Variants in ACSM3 observed in about 807,000 individuals in gnomAD.
ACSM3 encodes acyl-coenzyme A synthetase ACSM3, mitochondrial.
Under a neutral mutation model 74.1 loss-of-function variants are expected in ACSM3, and 61 were observed. That is an observed-to-expected ratio of 0.82 (90% CI 0.67 to 1.02). ACSM3 has a LOEUF of 1.02. Among genes scored for constraint, ACSM3 ranks in the 50% least tolerant of loss-of-function variants. The probability of loss-of-function intolerance (pLI) is 0.00; values close to 1 mark genes in which losing one functional copy is unlikely to be tolerated. For synonymous variants in ACSM3, 213 were observed against 241.5 expected, an observed-to-expected ratio of 0.88 and a Z score of 1.09; for missense variants, 660 against 697.0, an observed-to-expected ratio of 0.95 and a Z score of 0.60.
Position 20,741,922 on chromosome 16 carries a change from A to G in ACSM3, c.-189-7988A>G, listed in dbSNP as rs370547183. 5.9e-6 allele frequency: 9 copies of G among 1,533,852 alleles called. No individual in the cohort carries two copies. The African/African-American group carries it at 1.2e-4, about 21-fold the overall frequency. On this transcript the variant is annotated intron_variant, in intron 1 of 3. Coordinates refer to the ACSM3 transcript ENST00000561584. ...CTGCAATCGTGAAAGGGGTGGAGTG[A>G]TACCCGCCCAAGCCCCGCCTCCTGC...
intron 1 of ACSM3, among the ~76,000 whole-genome samples, chr16:20,726,456 A>C (rs1326760133): frequency 6.6e-6 from 1 of 152,234 alleles, no homozygotes; most frequent in Admixed American, 6.5e-5. Context: ...CTCTTTCCCT[A>C]GTCAGTGTCA....
chr16:20,709,601 G>T (rs1350408654), intron 1 of ACSM3, among the ~76,000 whole-genome samples: 3 of 152,118 alleles, frequency 2.0e-5, no homozygotes, highest in African/African-American at 7.2e-5. Flanking sequence ...TTAAGAACAG[G>T]TGGTTTGTAA....
At chr16:20,730,346 C>T (rs534945208) in intron 1 of ACSM3, among the ~76,000 whole-genome samples, 2 of 152,300 alleles carry the variant, frequency 1.3e-5, no homozygotes, top group African/African-American at 4.8e-5. Context: ...TGGCCAGTTT[C>T]CCAAACAAGT....
intron 9 of ACSM3, chr16:20,789,645 G>T: frequency 1.1e-6 from 1 of 931,944 alleles, no homozygotes. Context: ...GATAAAAGCA[G>T]GTTGGCAAAA....
At chr16:20,714,164 A>T (rs1049153211) in intron 1 of ACSM3, among the ~76,000 whole-genome samples, 50 of 151,862 alleles carry the variant, frequency 3.3e-4, no homozygotes, top group African/African-American at 1.2e-3. Context: ...GGGGGTCAAG[A>T]TGGTGCTCCA....
chr16:20,751,569 A>G (rs970001296), intron 2 of ACSM3, among the ~76,000 whole-genome samples: 1 of 152,218 alleles, frequency 6.6e-6, no homozygotes, highest in African/African-American at 2.4e-5. Context: ...TGCCAATTCT[A>G]TAAAACACTG....
At position 20,770,188 on chromosome 16, in the gene ACSM3, C is replaced by T. The variant is rs750728990; in HGVS notation, c.154C>T (p.Leu52=). 6 of 1,614,060 alleles carry T rather than the reference C, an allele frequency of 3.7e-6. No homozygotes were observed. The highest frequency in any genetic ancestry group is 2.7e-5 in the African/African-American group (2 of 74,920). Residue 52 remains leucine (L), a synonymous_variant, in exon 2 of 14, where the codon CTG becomes TTG. Transcript: ENST00000289416. The part of the protein sequence containing the change: ...NYESMKQDFK[L]GIPEYFNFAK... Reference sequence around the variant, plus strand: ...TGAATCCATGAAACAGGACTTCAAACTGGGGATTCCAGAGTATTTCAACTT... The same window carrying T: ...TGAATCCATGAAACAGGACTTCAAATTGGGGATTCCAGAGTATTTCAACTT...
intron 1 of ACSM3, chr16:20,691,089 C>T: frequency 6.2e-7 from 1 of 1,613,654 alleles, no homozygotes; most frequent in Non-Finnish European, 8.5e-7. Context: ...GCTCCAAATT[C>T]TGATAAAGAC....
chr16:20,794,518 C>A (rs2080677041), intron 12 of ACSM3, among the ~76,000 whole-genome samples: 1 of 152,180 alleles, frequency 6.6e-6, no homozygotes, highest in South Asian at 2.1e-4. Context: ...GAAATAGACA[C>A]ACGTGGCTAG....
chr16:20,709,951 T>C (rs1478079345), intron 1 of ACSM3, among the ~76,000 whole-genome samples: 3 of 152,194 alleles, frequency 2.0e-5, no homozygotes, highest in Non-Finnish European at 2.9e-5. Context: ...TTAAGTGAGA[T>C]GTCAGGCACA....
chr16:20,759,660 T>C (rs981939422), upstream of ACSM3, among the ~76,000 whole-genome samples: 4 of 151,682 alleles, frequency 2.6e-5, no homozygotes, highest in African/African-American at 9.7e-5. Context: ...ACATGGAAGC[T>C]CTGTACCCCT....
intron 1 of ACSM3, among the ~76,000 whole-genome samples, chr16:20,740,580 T>TA (rs1376445458): frequency 6.6e-6 from 1 of 152,214 alleles, no homozygotes. Flanking sequence ...TAGCCAGTCT[T>TA]AAAGTATTCT....
intron 2 of ACSM3, among the ~76,000 whole-genome samples, chr16:20,755,225 G>C (rs2080019877): frequency 6.6e-6 from 1 of 152,148 alleles, no homozygotes; most frequent in African/African-American, 2.4e-5. Context: ...TAAATAAGGT[G>C]CAGAGTCTTA....
At chr16:20,711,274 C>A (rs190399268) in intron 1 of ACSM3, among the ~76,000 whole-genome samples, 59 of 152,262 alleles carry the variant, frequency 3.9e-4, no homozygotes, top group African/African-American at 1.3e-3. Flanking sequence ...TTAGGCCCAT[C>A]GTCTGTCAGA....
intron 2 of ACSM3, among the ~76,000 whole-genome samples, chr16:20,751,132 A>C (rs1440308778): frequency 6.6e-6 from 1 of 152,150 alleles, no homozygotes; most frequent in African/African-American, 2.4e-5. Flanking sequence ...AGTTGGTGTC[A>C]GATTTTGGTA....
intron 1 of ACSM3, chr16:20,711,640 C>A: frequency 1.1e-6 from 1 of 871,830 alleles, no homozygotes; most frequent in Non-Finnish European, 1.8e-6. Flanking sequence ...GGTGTCTCCA[C>A]AAAGCCGGAA....
chr16:20,781,825 G>T (rs1384196576), intron 7 of ACSM3, 38 bp downstream of exon 7: 1 of 1,441,698 alleles, frequency 6.9e-7, no homozygotes. Context: ...AGTGGGGAGA[G>T]GGGAGAAGAG....
In ACSM3 at chr16:20,790,639, G is replaced by T; in HGVS notation, c.1277G>T (p.Gly426Val). 1 of 1,614,068 alleles carries T rather than the reference G, an allele frequency of 6.2e-7. No individual in the cohort carries two copies. The highest frequency in any genetic ancestry group is 8.5e-7 in the Non-Finnish European group (1 of 1,179,982). Residue 426 changes from glycine (G) to valine (V), a missense_variant, in exon 10 of 14, where the codon GGC becomes GTC. Coordinates refer to ENST00000289416, the MANE Select transcript of ACSM3 (RefSeq NM_005622.4). The surrounding 1 kb of genome is among the most constrained non-coding windows in gnomAD (Gnocchi z 4.0). ...VLPPGQEGDI[G>V]IQVLPNRPFG... ...CCTCCTGGACAAGAAGGAGATATTGGCATTCAAGTTCTACCCAACCGACCA... is the reference window on the plus strand; with the variant it reads ...CCTCCTGGACAAGAAGGAGATATTGTCATTCAAGTTCTACCCAACCGACCA...
intron 1 of ACSM3, among the ~76,000 whole-genome samples, chr16:20,745,942 C>T (rs2079956016): frequency 6.6e-6 from 1 of 152,190 alleles, no homozygotes; most frequent in African/African-American, 2.4e-5. Flanking sequence ...GATATCCTGG[C>T]TGTGAATCCC....
Sources: gnomAD v4.1 joint callset for allele counts (sites outside exome capture counted in the v4.1 genomes callset) on GRCh38, gnomAD v4.1.1 for gene constraint, Gnocchi (gnomAD v3.1) non-coding constraint, MANE v1.5 for transcripts, NCBI Gene and HGNC (gene_info 2026-07-23, HGNC 2026-07-21) for gene names.